TENM2: variants seen among roughly 807,000 people sequenced by gnomAD.
The protein encoded by TENM2 is teneurin transmembrane protein 2.
TENM2 carries 52 observed loss-of-function variants against 245.2 expected under a neutral mutation model. That is an observed-to-expected ratio of 0.21 (90% CI 0.17 to 0.27). TENM2 has a LOEUF of 0.27. TENM2 is among the 10% of genes least tolerant of loss of function. TENM2 has a pLI of 1.00. For missense variants in TENM2, 3,046 were observed against 3,666.8 expected (o/e 0.83, Z 4.37); for synonymous variants, 1,363 against 1,438.9 (o/e 0.95, Z 1.19).
At chr5:167,432,026 A>T (rs920432103) in intron 2 of TENM2, among the ~76,000 whole-genome samples, 5 of 132,716 alleles carry the variant, frequency 3.8e-5, no homozygotes, top group African/African-American at 1.5e-4. Context: ...GTATATCTAC[A>T]CTTGAGAAAA....
intron 2 of TENM2, among the ~76,000 whole-genome samples, chr5:167,854,518 C>T (rs751919518): frequency 2.0e-5 from 3 of 152,202 alleles, no homozygotes; most frequent in Non-Finnish European, 4.4e-5. Flanking sequence ...CCTACCTTGT[C>T]AGTTCTGTTC....
At chr5:167,372,975 T>C (rs1425266489) in intron 1 of TENM2, among the ~76,000 whole-genome samples, 1 of 152,170 alleles carries the variant, frequency 6.6e-6, no homozygotes, top group Non-Finnish European at 1.5e-5. Flanking sequence ...TCAGAGAGCA[T>C]GATAAACTGT....
intron 2 of TENM2, among the ~76,000 whole-genome samples, chr5:167,742,340 AT>A (rs1173769363): frequency 1.3e-5 from 2 of 151,162 alleles, no homozygotes; most frequent in African/African-American, 2.4e-5. Flanking sequence ...CACACATATT[AT>A]TTAACCCAAC....
chr5:167,025,565 A>T, the TENM2 span, among the ~76,000 whole-genome samples: 1 of 152,186 alleles, frequency 6.6e-6, no homozygotes, highest in Non-Finnish European at 1.5e-5. Context: ...TCCAGTGCCT[A>T]CCCTGTTGGG....
the TENM2 span, among the ~76,000 whole-genome samples, chr5:167,124,687 G>C: frequency 1.3e-5 from 2 of 152,138 alleles, no homozygotes; most frequent in Non-Finnish European, 2.9e-5. Flanking sequence ...GCTTATCCCT[G>C]AGAGCTTGTA....
intron 2 of TENM2, 80 bp downstream of exon 4, chr5:167,375,553 A>C: frequency 2.2e-6 from 3 of 1,394,012 alleles, no homozygotes; most frequent in Non-Finnish European, 2.9e-6. Flanking sequence ...TTTTTTAATG[A>C]AGCGGCGTCA....
intron 2 of TENM2, among the ~76,000 whole-genome samples, chr5:167,582,112 C>G (rs1775137517): frequency 6.6e-6 from 1 of 152,206 alleles, no homozygotes; most frequent in East Asian, 1.9e-4. Context: ...AAAAACCAGG[C>G]TAGGGTTTCT....
intron 2 of TENM2, among the ~76,000 whole-genome samples, chr5:167,770,844 G>A (rs1176547859): frequency 6.6e-6 from 1 of 152,130 alleles, no homozygotes; most frequent in Admixed American, 6.5e-5. Flanking sequence ...GACTCAGAGG[G>A]GGGCTTAAAA....
chr5:167,447,926 T>C (rs1324246053), intron 2 of TENM2, among the ~76,000 whole-genome samples: 3 of 152,012 alleles, frequency 2.0e-5, no homozygotes, highest in Admixed American at 1.3e-4. Flanking sequence ...AGGGCTGAGT[T>C]TGATTTATGA....
chr5:167,978,688 G>T (rs961825385), intron 4 of TENM2, among the ~76,000 whole-genome samples: 1 of 150,570 alleles, frequency 6.6e-6, no homozygotes, highest in Non-Finnish European at 1.5e-5. Flanking sequence ...TTTTTGGGGG[G>T]TGATGAAAAT....
intron 2 of TENM2, among the ~76,000 whole-genome samples, chr5:167,828,886 G>A (rs1768214186): frequency 6.6e-6 from 1 of 152,178 alleles, no homozygotes; most frequent in Admixed American, 6.5e-5. Context: ...ATGAGAGGAA[G>A]AACCACAGGC....
intron 25 of TENM2, among the ~76,000 whole-genome samples, chr5:168,240,610 T>G (rs1765997054): frequency 2.0e-5 from 3 of 148,554 alleles, no homozygotes; most frequent in African/African-American, 5.0e-5. Flanking sequence ...TTGCTGTTGC[T>G]GTGGTTTTTC....
upstream of TENM2, among the ~76,000 whole-genome samples, chr5:167,283,287 C>G (rs535681102): frequency 2.0e-4 from 31 of 152,020 alleles, no homozygotes; most frequent in African/African-American, 7.5e-4. Flanking sequence ...AACCTCAATC[C>G]ACCCGCCTCG....
the TENM2 span, among the ~76,000 whole-genome samples, chr5:167,230,484 T>A: frequency 6.6e-6 from 1 of 152,166 alleles, no homozygotes; most frequent in Non-Finnish European, 1.5e-5. Context: ...TGGTTCTTCT[T>A]AGTGGAGGAG....
chr5:167,326,722 T>A (rs942713762), intron 1 of TENM2, among the ~76,000 whole-genome samples: 11 of 138,214 alleles, frequency 8.0e-5, no homozygotes, highest in South Asian at 2.4e-4. Flanking sequence ...TATATATATA[T>A]AAAATAAAGT....
intron 3 of TENM2, among the ~76,000 whole-genome samples, chr5:167,943,054 A>C (rs1779315465): frequency 6.6e-6 from 1 of 152,226 alleles, no homozygotes; most frequent in African/African-American, 2.4e-5. Flanking sequence ...GTGACACCAG[A>C]TGCAGTTCAA....
intron 1 of TENM2, among the ~76,000 whole-genome samples, chr5:167,339,496 A>C (rs1457467968): frequency 1.3e-5 from 2 of 152,060 alleles, no homozygotes; most frequent in African/African-American, 4.8e-5. Flanking sequence ...CTTCAGAACA[A>C]GCTTTCTCAT....
intron 19 of TENM2, among the ~76,000 whole-genome samples, chr5:168,205,515 G>A (rs1303457041): frequency 1.3e-5 from 2 of 152,298 alleles, no homozygotes; most frequent in Non-Finnish European, 2.9e-5. Context: ...AGGAGGCTAC[G>A]TAAGGTGAAT....
chr5:167,057,941 T>G, the TENM2 span, among the ~76,000 whole-genome samples: 10 of 152,156 alleles, frequency 6.6e-5, no homozygotes, highest in African/African-American at 2.4e-4. Context: ...CTGTCCACAC[T>G]GAGCCTCCAG....
Sources: allele counts gnomAD v4.1 joint callset (sites outside exome capture counted in the v4.1 genomes callset), GRCh38; gene constraint gnomAD v4.1.1; transcripts MANE v1.5; gene names NCBI Gene and HGNC (gene_info 2026-07-23, HGNC 2026-07-21).